GRAMD4: variants seen among roughly 807,000 people sequenced by gnomAD.
GRAMD4 encodes the protein GRAM domain-containing protein 4.
A neutral mutation model predicts 83.9 loss-of-function variants in GRAMD4; 25 were observed. The ratio of observed to expected loss-of-function variants is 0.30; its 90% CI spans 0.22 to 0.42. The LOEUF (loss-of-function observed/expected upper bound fraction) is 0.42, where lower values mean the gene tolerates loss of function less well. Among genes scored for constraint, GRAMD4 ranks in the 10% least tolerant of loss-of-function variants. The pLI is 1.00. For synonymous variants in GRAMD4, 336 were observed against 320.9 expected (o/e 1.05, Z -0.50); for missense variants, 593 against 788.7 (o/e 0.75, Z 2.97).
chr22:46,599,641 T>C (rs1473400458), intron 1 of GRAMD4, among the ~76,000 whole-genome samples: 1 of 152,158 alleles, frequency 6.6e-6, no homozygotes, highest in Non-Finnish European at 1.5e-5. Flanking sequence ...CTTAAGTTTT[T>C]TTGAGAATTA....
At chr22:46,624,969 T>C (rs1284624029) in intron 1 of GRAMD4, among the ~76,000 whole-genome samples, 3 of 151,108 alleles carry the variant, frequency 2.0e-5, no homozygotes, top group Non-Finnish European at 2.9e-5. Flanking sequence ...CATGCCATTC[T>C]CCTGCCTCAG....
At chr22:46,613,276 G>T (rs1317841198) in intron 1 of GRAMD4, among the ~76,000 whole-genome samples, 1 of 152,260 alleles carries the variant, frequency 6.6e-6, no homozygotes, top group Non-Finnish European at 1.5e-5. Context: ...GCTGTGGCCA[G>T]CCTGGGCCTG....
chr22:46,674,572 A>C (rs931769752), intron 15 of GRAMD4, 85 bp from the exon 16 acceptor site: 23 of 942,304 alleles, frequency 2.4e-5, no homozygotes, highest in Non-Finnish European at 3.7e-5. Context: ...TCAGGATCTG[A>C]GAGTCAGGCT....
chr22:46,643,152 C>T (rs1474228360), intron 3 of GRAMD4, among the ~76,000 whole-genome samples: 7 of 77,218 alleles, frequency 9.1e-5, no homozygotes, highest in Admixed American at 1.3e-4. Flanking sequence ...TCCATCCATC[C>T]ATCCATCCAT....
At chr22:46,618,065 T>G (rs1015112540), upstream of GRAMD4, among the ~76,000 whole-genome samples, 1 of 152,140 alleles carries the variant, frequency 6.6e-6, no homozygotes, top group African/African-American at 2.4e-5. The surrounding 1 kb of genome is among the most constrained non-coding windows in gnomAD (Gnocchi z 5.8). Context: ...AGCTGGTGGC[T>G]GCGGGCTCAG....
chr22:46,598,154 T>C (rs1026878607), intron 1 of GRAMD4, among the ~76,000 whole-genome samples: 4 of 151,964 alleles, frequency 2.6e-5, no homozygotes, highest in Non-Finnish European at 5.9e-5. Context: ...GCTAATTCTT[T>C]TATTTTTAGT....
At chr22:46,583,841 C>G (rs1008088138) in intron 1 of GRAMD4, among the ~76,000 whole-genome samples, 1 of 152,296 alleles carries the variant, frequency 6.6e-6, no homozygotes, top group East Asian at 1.9e-4. Flanking sequence ...CCTTCCAGTA[C>G]TGTTGCCTTT....
At chr22:46,579,550 C>T (rs1009553982) in intron 1 of GRAMD4, among the ~76,000 whole-genome samples, 1 of 152,180 alleles carries the variant, frequency 6.6e-6, no homozygotes, top group African/African-American at 2.4e-5. Flanking sequence ...ACAGAAACAG[C>T]AGCACCCCAC....
chr22:46,586,453 G>A (rs1307165088), intron 1 of GRAMD4, among the ~76,000 whole-genome samples: 1 of 152,094 alleles, frequency 6.6e-6, no homozygotes, highest in Non-Finnish European at 1.5e-5. Flanking sequence ...CCCAGCCCAG[G>A]GCTCCCTGGC....
At chr22:46,635,107 G>GA (rs2081841866) in intron 2 of GRAMD4, among the ~76,000 whole-genome samples, 1 of 71,752 alleles carries the variant, frequency 1.4e-5, no homozygotes, top group African/African-American at 4.3e-5. Context: ...CCCTGCCCCC[G>GA]CCCCCAGCCA....
chr22:46,618,086 A>G (rs868454044), upstream of GRAMD4, among the ~76,000 whole-genome samples: 54 of 150,434 alleles, frequency 3.6e-4, 1 homozygote, highest in Middle Eastern at 0.031. This position sits in a 1 kb window ranked among gnomAD's most constrained non-coding sequence, Gnocchi z 5.8. Flanking sequence ...GCTGGCGGGG[A>G]CCCCCCAGCC....
At chr22:46,616,338 C>T (rs1159343011), upstream of GRAMD4, among the ~76,000 whole-genome samples, 1 of 52,220 alleles carries the variant, frequency 1.9e-5, no homozygotes, top group Admixed American at 1.8e-4. Flanking sequence ...GTGTAGGTTC[C>T]CCTGTGTGTA....
Position 46,679,392 on chromosome 22 carries a change from G to A in GRAMD4, c.*2141G>A. 1.0e-6 allele frequency: 1 copy of A among 985,446 alleles called. No homozygotes were observed. Among genetic ancestry groups the A allele is most frequent in the Non-Finnish European group, 1.2e-6 (1 of 829,924 alleles). 61.0% of individuals were successfully genotyped at this position (985,446 alleles called of 1,614,324 possible). A position where few individuals can be genotyped will look rare whatever the true frequency, so the allele number is the denominator to read the frequency against. ...CACATTCGGGGAGCGGGGGGTCGGG[G>A]GAGGGCCACCGACTGGCTCTGCTGC... On this transcript the variant is annotated 3_prime_UTR_variant, in exon 19 of 19. Coordinates refer to ENST00000406902, the MANE Select transcript of GRAMD4 (RefSeq NM_015124.5).
intron 1 of GRAMD4, among the ~76,000 whole-genome samples, chr22:46,623,012 C>T (rs2081599670): frequency 6.6e-6 from 1 of 151,848 alleles, no homozygotes; most frequent in Non-Finnish European, 1.5e-5. Flanking sequence ...AATAGGGAGG[C>T]ATTTTAGGAG....
At chr22:46,666,960 C>G in intron 10 of GRAMD4, 87 bp downstream of exon 10, 1 of 950,870 alleles carries the variant, frequency 1.1e-6, no homozygotes, top group African/African-American at 1.7e-5. Flanking sequence ...GGGGAAGCCT[C>G]TGGATGAGGC....
At chr22:46,627,909 C>T (rs190563819) in intron 2 of GRAMD4, among the ~76,000 whole-genome samples, 2 of 152,188 alleles carry the variant, frequency 1.3e-5, no homozygotes, top group Non-Finnish European at 2.9e-5. Flanking sequence ...CCCGGCCTGC[C>T]GGGATCGGCC....
intron 2 of GRAMD4, among the ~76,000 whole-genome samples, chr22:46,632,492 A>C (rs1016539292): frequency 1.3e-5 from 2 of 152,234 alleles, no homozygotes; most frequent in African/African-American, 4.8e-5. Flanking sequence ...ACAGCGCCAC[A>C]GCCTTGGTGT....
At chr22:46,580,313 T>TTCGAAA (rs2081085021) in intron 1 of GRAMD4, among the ~76,000 whole-genome samples, 1 of 152,228 alleles carries the variant, frequency 6.6e-6, no homozygotes, top group Non-Finnish European at 1.5e-5. Context: ...CGAAGGCCTC[T>TTCGAAA]GGTTTGGGCA....
upstream of GRAMD4, among the ~76,000 whole-genome samples, chr22:46,618,911 G>A (rs1227117246): frequency 6.6e-6 from 1 of 152,234 alleles, no homozygotes; most frequent in Non-Finnish European, 1.5e-5. The surrounding 1 kb of genome is among the most constrained non-coding windows in gnomAD (Gnocchi z 5.8). Flanking sequence ...CTTGAGACCC[G>A]AGTCTGTGCC....
Sources: gnomAD v4.1 joint callset for allele counts (sites outside exome capture counted in the v4.1 genomes callset) on GRCh38, gnomAD v4.1.1 for gene constraint, Gnocchi (gnomAD v3.1) non-coding constraint, MANE v1.5 for transcripts, NCBI Gene and HGNC (gene_info 2026-07-23, HGNC 2026-07-21) for gene names.